Variants in AGBL5 observed in about 807,000 individuals in gnomAD.
AGBL5 encodes the protein AGBL carboxypeptidase 5.
A neutral mutation model predicts 88.0 loss-of-function variants in AGBL5; 51 were observed. The ratio of observed to expected loss-of-function variants is 0.58; its 90% CI spans 0.46 to 0.73. AGBL5 has a LOEUF of 0.73. AGBL5 is among the 30% of genes least tolerant of loss of function. The pLI, the probability that AGBL5 is intolerant of heterozygous loss-of-function variation, is 0.00. For synonymous variants in AGBL5, 446 were observed against 438.8 expected (o/e 1.02, Z -0.21); for missense variants, 1,031 against 1,162.2 (o/e 0.89, Z 1.64).
upstream of AGBL5, among the ~76,000 whole-genome samples, chr2:27,050,807 G>A (rs1462829395): frequency 1.3e-5 from 2 of 152,230 alleles, no homozygotes; most frequent in African/African-American, 2.4e-5. Context: ...TTGGTAGAGC[G>A]GAGGACTGTA....
At position 27,057,187 on chromosome 2, in the gene AGBL5, C is replaced by G. The variant is rs1009000368; in HGVS notation, c.1536-116C>G. The G allele has an allele frequency of 5.0e-6, 6 of 1,193,636 alleles. No individual in the cohort carries two copies. The Admixed American group carries it at 7.0e-5, about 14-fold the overall frequency. The allele number at this position is 1,193,636 out of a possible 1,614,324, so 73.9% of individuals were successfully genotyped here. A position where few individuals can be genotyped will look rare whatever the true frequency, so the allele number is the denominator to read the frequency against. On this transcript the variant is annotated intron_variant, in intron 8 of 14. Coordinates refer to ENST00000360131, the MANE Select transcript of AGBL5 (RefSeq NM_021831.6). ...AGTTGCTATGGATTATTAGCACTTT[C>G]ATTTGTGTTCACTTTTTTCCAAGTG...
intron 11 of AGBL5, among the ~76,000 whole-genome samples, chr2:27,065,385 C>A (rs1668937331): frequency 6.6e-6 from 1 of 152,152 alleles, no homozygotes; most frequent in African/African-American, 2.4e-5. Flanking sequence ...ATGAGTGGAC[C>A]AGAGACAGCT....
chr2:27,058,999 A>G (rs781523169), intron 10 of AGBL5, among the ~76,000 whole-genome samples, 191 bp from the exon 11 acceptor site: 3 of 152,200 alleles, frequency 2.0e-5, no homozygotes, highest in Non-Finnish European at 4.4e-5. Context: ...CCCTTAAGAC[A>G]TTTTGAGATT....
chr2:27,062,020 G>A (rs1035791568), intron 11 of AGBL5, among the ~76,000 whole-genome samples: 5 of 151,692 alleles, frequency 3.3e-5, no homozygotes, highest in Non-Finnish European at 7.4e-5. Context: ...CACTATGTTC[G>A]CTAGGCTGGT....
At chr2:27,050,841 A>G (rs973938872), upstream of AGBL5, among the ~76,000 whole-genome samples, 2 of 152,204 alleles carry the variant, frequency 1.3e-5, no homozygotes, top group Admixed American at 6.5e-5. Context: ...GGCAATCCTT[A>G]GGTCGCTGGT....
At position 27,067,489 on chromosome 2, in the gene AGBL5, C is replaced by G. The variant is rs749691256; in HGVS notation, c.2090-5C>G. Reference sequence around the variant, plus strand: ...CTTTTATCTGCTTGTATCTCTTCCACTCAGAGCCCCGAAGCCAGGACAGGA... The same window carrying G: ...CTTTTATCTGCTTGTATCTCTTCCAGTCAGAGCCCCGAAGCCAGGACAGGA... On this transcript the variant is annotated splice_region_variant and splice_polypyrimidine_tract_variant and intron_variant, in intron 11 of 14. Transcript: ENST00000360131. 13 of 1,613,558 alleles carry G rather than the reference C, an allele frequency of 8.1e-6. No individual in the cohort carries two copies. The highest frequency in any genetic ancestry group is 7.7e-5 in the South Asian group (7 of 91,076).
chr2:27,069,424 C>A lies in AGBL5; in HGVS notation c.2356-149C>A, dbSNP rs780955881. ...CAGGACTTCTCTGGCTATTATCTTG[C>A]CTCACCCTCTCAGCTAGAATTCAAT... On this transcript the variant is annotated intron_variant, in intron 13 of 14. Coordinates refer to ENST00000360131, the MANE Select transcript of AGBL5 (RefSeq NM_021831.6). The A allele has an allele frequency of 8.8e-5, 132 of 1,504,822 alleles. 1 individual carries two copies. The Middle Eastern group carries it at 1.7e-3, about 19-fold the overall frequency. 93.2% of individuals were successfully genotyped at this position (1,504,822 alleles called of 1,614,324 possible). A position where few individuals can be genotyped will look rare whatever the true frequency, so the allele number is the denominator to read the frequency against.
rs757412590 is a variant in AGBL5 at position 27,052,920 on chromosome 2, G to A, written c.-39G>A. ...ACCCTTGTTTTCCCCCAGCTCTCAG[G>A]GCCAGAGCGGGGCAGGAGGATGCTT... is the stretch of plus-strand genomic sequence containing the variant. On this transcript the variant is annotated 5_prime_UTR_variant, in exon 2 of 15. Transcript: ENST00000360131. 1.6e-5 allele frequency: 25 copies of A among 1,520,668 alleles called. No homozygotes were observed. The highest frequency in any genetic ancestry group is 2.2e-5 in the Non-Finnish European group (25 of 1,125,010). 94.2% of individuals were successfully genotyped at this position (1,520,668 alleles called of 1,614,324 possible).
At position 27,070,402 on chromosome 2, in the gene AGBL5, TAC is replaced by T. The variant is rs1669230159; in HGVS notation, c.*141_*142del. The T allele has an allele frequency of 2.4e-6, 2 of 847,782 alleles. No individual in the cohort carries two copies. The highest frequency in any genetic ancestry group is 1.6e-5 in the South Asian group (1 of 61,490). The allele number at this position is 847,782 out of a possible 1,614,324, so 52.5% of individuals were successfully genotyped here. The stretch of plus-strand genomic sequence containing the variant: ...ATGCCAGCCACGCTGTCCAAGGCAT[TAC>T]AGAGTATCACCTTGAGACAGAACAA... On this transcript the variant is annotated 3_prime_UTR_variant, in exon 15 of 15. Coordinates refer to ENST00000360131, the MANE Select transcript of AGBL5 (RefSeq NM_021831.6).
In AGBL5 at chr2:27,067,542, G is replaced by A. The variant is rs545834161; in HGVS notation, c.2138G>A (p.Arg713His). Residue 713 changes from arginine (R) to histidine (H), a missense_variant, in exon 12 of 15, where the codon CGT becomes CAT. Around this residue, in one of 2 missense-constraint regions of AGBL5, gnomAD observed 491 missense variants for 484.0 expected, o/e 1.01. Transcript: ENST00000360131. ...RRRQQQPLNHRPAGSLAPSPA... is the reference protein window; with the variant it reads ...RRRQQQPLNHHPAGSLAPSPA... Reference sequence around the variant, plus strand: ...CGGCAGCAGCAGCCCCTGAACCATCGTCCTGCAGGCAGCCTCGCTCCATCC... The same window carrying A: ...CGGCAGCAGCAGCCCCTGAACCATCATCCTGCAGGCAGCCTCGCTCCATCC... 2.1e-5 allele frequency: 34 copies of A among 1,614,108 alleles called. No homozygotes were observed. In the East Asian group the frequency reaches 2.7e-4, roughly 13 times the overall value.
At position 27,059,192 on chromosome 2, in the gene AGBL5, G is replaced by A; in HGVS notation, c.1877G>A (p.Gly626Glu). The stretch of plus-strand genomic sequence containing the variant: ...AACTGGCATCTGCTTCTTTGCAGTG[G>A]GTTGCCTGTCTCCTGCTCCGAAAAC... ...GLRTPPKSHN[G>E]LPVSCSENTL... The change falls in exon 11 of 15, where the codon GGG (glycine) becomes GAG (glutamate). Residue 626 changes from glycine to glutamate, a missense_variant and splice_region_variant. Coordinates refer to ENST00000360131, the MANE Select transcript of AGBL5 (RefSeq NM_021831.6). The A allele has an allele frequency of 6.2e-7, 1 of 1,612,748 alleles. No individual in the cohort carries two copies. Among genetic ancestry groups the A allele is most frequent in the Non-Finnish European group, 8.5e-7 (1 of 1,179,256 alleles).
rs534587693 is a variant in AGBL5, at chr2:27,053,635, C to T, written c.387+62C>T. On this transcript the variant is annotated intron_variant, in intron 3 of 14. Transcript: ENST00000360131. The surrounding 1 kb of genome is among the most constrained non-coding windows in gnomAD (Gnocchi z 4.9). ...GCTAAAAGTAGAGAGGAAAGTAAAG[C>T]GTTTTTTTTTCCTTGATACAAGTAT... 2.8e-4 allele frequency: 427 copies of T among 1,545,158 alleles called. 4 individuals carry two copies. In the South Asian group the frequency reaches 3.7e-3, roughly 13 times the overall value.
At chr2:27,058,339 C>T in intron 9 of AGBL5, 61 bp from the exon 10 acceptor site, 13 of 1,597,574 alleles carry the variant, frequency 8.1e-6, no homozygotes, top group Non-Finnish European at 1.0e-5. Flanking sequence ...GTGTACCCAC[C>T]CCAAGGTAGC....
rs1669112166 is a variant in AGBL5, at chr2:27,068,623, G to A, written c.2243-9G>A. On this transcript the variant is annotated splice_polypyrimidine_tract_variant and intron_variant, in intron 12 of 14. Transcript: ENST00000360131. The stretch of plus-strand genomic sequence containing the variant: ...ACCCCTACCCTGATCAGTTTCCTCT[G>A]TTCCCTAGGGAGCAGTTGCTCACTC... 1 of 1,613,654 alleles carries A rather than the reference G, an allele frequency of 6.2e-7. No homozygotes were observed. The highest frequency in any genetic ancestry group is 8.5e-7 in the Non-Finnish European group (1 of 1,179,796).
rs183748586 is a variant in AGBL5, at chr2:27,069,655, G to A, written c.2438G>A (p.Arg813Gln). The change falls in exon 14 of 15, where the codon CGG (arginine) becomes CAG (glutamine). Residue 813 changes from arginine (R) to glutamine (Q), a missense_variant. Physicochemically the swap from Arg to Gln is conservative, Grantham distance 43. Around this residue, in one of 2 missense-constraint regions of AGBL5, gnomAD observed 491 missense variants for 484.0 expected, o/e 1.01. Transcript: ENST00000360131. The part of the protein sequence containing the change: ...GSSGPTSPTP[R>Q]TRESSELELG... ...TCAGGCCCCACATCCCCTACCCCCC[G>A]GACCAGGGAGAGCAGTGAGCTGGAG... 342 of 1,614,076 alleles carry A rather than the reference G, an allele frequency of 2.1e-4. No homozygotes were observed. In the East Asian group the frequency reaches 4.9e-3, roughly 23 times the overall value.
Position 27,053,310 on chromosome 2 carries a change from C to A in AGBL5, c.216-92C>A. ...TCCCTCCTTTCTCCTTGCCAAATAG[C>A]CCTTTCCCAGTTTGGCTGGCTCCGG... On this transcript the variant is annotated intron_variant, in intron 2 of 14. Coordinates refer to ENST00000360131, the MANE Select transcript of AGBL5 (RefSeq NM_021831.6). This position sits in a 1 kb window ranked among gnomAD's most constrained non-coding sequence, Gnocchi z 4.9. 6.5e-7 allele frequency: 1 copy of A among 1,540,988 alleles called. No homozygotes were observed. The highest frequency in any genetic ancestry group is 1.9e-5 in the Admixed American group (1 of 53,642).
chr2:27,055,470 G>A, intron 6 of AGBL5: 2 of 818,520 alleles, frequency 2.4e-6, no homozygotes, highest in Non-Finnish European at 3.7e-6. Context: ...CATCTGGGTG[G>A]AGGCAGCTAC....
At chr2:27,050,532 G>C (rs900981950), upstream of AGBL5, among the ~76,000 whole-genome samples, 2 of 152,252 alleles carry the variant, frequency 1.3e-5, no homozygotes, top group Non-Finnish European at 2.9e-5. Flanking sequence ...AAACCACCGC[G>C]GGGTGTTGGG....
Position 27,053,075 on chromosome 2 carries a change from G to T in AGBL5, c.117G>T (p.Ala39=). The change falls in exon 2 of 15, where the codon GCG becomes GCT. Residue 39 remains alanine, a synonymous_variant. Coordinates refer to ENST00000360131, the MANE Select transcript of AGBL5 (RefSeq NM_021831.6). The surrounding 1 kb of genome is among the most constrained non-coding windows in gnomAD (Gnocchi z 4.9). The stretch of plus-strand genomic sequence containing the variant: ...ATGGGGAAGGGGTAGGAGGTGGGGC[G>T]TCAGCCCTGACCAGTGGCATTGCCT... The part of the protein sequence containing the change: ...SSDGEGVGGG[A]SALTSGIASS... The T allele has an allele frequency of 1.2e-6, 2 of 1,613,522 alleles. No homozygotes were observed. Among genetic ancestry groups the T allele is most frequent in the South Asian group, 2.2e-5 (2 of 90,922 alleles).
Sources: gnomAD v4.1 joint callset for allele counts (sites outside exome capture counted in the v4.1 genomes callset) on GRCh38, gnomAD v4.1.1 for gene constraint, gnomAD v4.1.1 regional missense constraint, Gnocchi (gnomAD v3.1) non-coding constraint, MANE v1.5 for transcripts, NCBI Gene and HGNC (gene_info 2026-07-23, HGNC 2026-07-21) for gene names.